CACNA1E: variants seen among roughly 807,000 people sequenced by gnomAD.
The protein encoded by CACNA1E is voltage-dependent R-type calcium channel subunit alpha-1E.
A neutral mutation model predicts 259.2 loss-of-function variants in CACNA1E; 40 were observed. The ratio of observed to expected loss-of-function variants is 0.15; its 90% CI spans 0.12 to 0.20. The LOEUF (loss-of-function observed/expected upper bound fraction) is 0.20, where lower values mean the gene tolerates loss of function less well. Ranked by LOEUF, CACNA1E falls within the 10% of genes least tolerant of loss-of-function variation. The pLI is 1.00. For missense variants in CACNA1E, 1,874 were observed against 3,040.1 expected (o/e 0.62, Z 9.02); for synonymous variants, 1,104 against 1,138.5 (o/e 0.97, Z 0.61).
chr1:181,606,805 T>C (rs911626330), intron 6 of CACNA1E, among the ~76,000 whole-genome samples: 6 of 152,234 alleles, frequency 3.9e-5, no homozygotes, highest in African/African-American at 1.4e-4. Context: ...CCTTTGGACA[T>C]GCTGTCCTGC....
intron 2 of CACNA1E, among the ~76,000 whole-genome samples, chr1:181,455,992 A>G (rs1179533933): frequency 3.3e-5 from 5 of 152,198 alleles, no homozygotes; most frequent in Admixed American, 6.5e-5. Context: ...GATGGTTACC[A>G]TTGACTAAAA....
At chr1:181,625,186 A>G (rs927793836) in intron 6 of CACNA1E, among the ~76,000 whole-genome samples, 2 of 151,884 alleles carry the variant, frequency 1.3e-5, no homozygotes, top group African/African-American at 4.8e-5. Flanking sequence ...TAGATTTAGC[A>G]TAACTCCTAA....
rs959394959 is a variant in CACNA1E at position 181,733,369 on chromosome 1, G to T, written c.2949-68G>T. ...GCCTGAGCTTCCCCGCCTTCCCCTT[G>T]TGCCAGGCACACCTGCCATTTGGGG... On this transcript the variant is annotated intron_variant, in intron 20 of 47. Transcript: ENST00000367573. The T allele has an allele frequency of 2.2e-6, 3 of 1,355,208 alleles. No individual in the cohort carries two copies. The Admixed American group carries it at 7.4e-5, about 33-fold the overall frequency. 83.9% of individuals were successfully genotyped at this position (1,355,208 alleles called of 1,614,324 possible). A position where few individuals can be genotyped will look rare whatever the true frequency, so the allele number is the denominator to read the frequency against.
chr1:181,325,933 C>T (rs1480480819), intron 1 of CACNA1E, among the ~76,000 whole-genome samples: 2 of 152,202 alleles, frequency 1.3e-5, no homozygotes, highest in African/African-American at 4.8e-5. Flanking sequence ...GCCTGCCACA[C>T]CAGGCAGGCT....
chr1:181,695,147 A>T (rs1651570836), intron 7 of CACNA1E, among the ~76,000 whole-genome samples: 2 of 152,328 alleles, frequency 1.3e-5, no homozygotes, highest in Admixed American at 1.3e-4. Flanking sequence ...TAACAAAAAA[A>T]TCAAATATCT....
At position 181,721,376 on chromosome 1, in the gene CACNA1E, G is replaced by A. The variant is rs1654396073; in HGVS notation, c.1957-382G>A. Among the ~76,000 whole-genome samples, 4 of 152,132 alleles carry A rather than the reference G, an allele frequency of 2.6e-5. No homozygotes were observed. In the South Asian group the frequency reaches 8.3e-4, roughly 31 times the overall value. ...CGTTTCCTGAACTGCAGCCCACAAGGCTCTTTCCAATCATGCTGCTGTTCC... is the reference window on the plus strand; with the variant it reads ...CGTTTCCTGAACTGCAGCCCACAAGACTCTTTCCAATCATGCTGCTGTTCC... On this transcript the variant is annotated intron_variant, in intron 15 of 47. Coordinates refer to ENST00000367573, the MANE Select transcript of CACNA1E (RefSeq NM_001205293.3).
chr1:181,393,335 G>A (rs891060736), intron 1 of CACNA1E, among the ~76,000 whole-genome samples: 5 of 152,166 alleles, frequency 3.3e-5, no homozygotes, highest in Admixed American at 2.0e-4. Flanking sequence ...AAGATGTAAA[G>A]GATTCAAGAA....
chr1:181,786,422 ACTG>A (rs1660852349), intron 43 of CACNA1E, among the ~76,000 whole-genome samples: 2 of 151,436 alleles, frequency 1.3e-5, no homozygotes, highest in Non-Finnish European at 3.0e-5. Flanking sequence ...AGAATGTGGA[ACTG>A]GAATTTAAGT....
intron 7 of CACNA1E, among the ~76,000 whole-genome samples, chr1:181,697,564 C>T (rs573350777): frequency 7.9e-5 from 12 of 152,270 alleles, no homozygotes; most frequent in African/African-American, 1.9e-4. Flanking sequence ...TCAAACTATC[C>T]GTGTCGAAGA....
intron 7 of CACNA1E, among the ~76,000 whole-genome samples, chr1:181,655,896 GT>G (rs57503442): frequency 0.024 from 3,590 of 152,274 alleles, 64 homozygotes; most frequent in Non-Finnish European, 0.035. Flanking sequence ...TGACATTTCA[GT>G]CAATGACTGA....
intron 2 of CACNA1E, among the ~76,000 whole-genome samples, chr1:181,470,805 C>T (rs1403098432): frequency 2.0e-5 from 3 of 152,112 alleles, no homozygotes; most frequent in Non-Finnish European, 4.4e-5. Flanking sequence ...TCCTGAGTGA[C>T]CCCCTGCTCT....
At chr1:181,590,336 G>T (rs1209229662) in intron 6 of CACNA1E, among the ~76,000 whole-genome samples, 1 of 149,202 alleles carries the variant, frequency 6.7e-6, no homozygotes, top group Non-Finnish European at 1.5e-5. Context: ...GAGCCCCATT[G>T]TCTGTCCACA....
At chr1:181,585,125 A>G (rs1366346182) in intron 6 of CACNA1E, among the ~76,000 whole-genome samples, 2 of 152,120 alleles carry the variant, frequency 1.3e-5, no homozygotes, top group African/African-American at 2.4e-5. Flanking sequence ...GTATCTGTTC[A>G]TCTGTTACTT....
chr1:181,669,037 TATA>T (rs1365776491), intron 7 of CACNA1E: 2 of 152,174 alleles, frequency 1.3e-5, no homozygotes, highest in African/African-American at 4.8e-5. Context: ...CAAAAAAAAT[TATA>T]ATAAGGTAGA....
upstream of CACNA1E, among the ~76,000 whole-genome samples, chr1:181,481,005 C>T (rs2102452102): frequency 6.6e-6 from 1 of 151,904 alleles, no homozygotes. Flanking sequence ...TTTTTCTAAC[C>T]CTATGTAGTT....
Position 181,533,953 on chromosome 1 carries a change from A to AT in CACNA1E, c.512+22452dup, listed in dbSNP as rs1040898945. 1.5e-4 allele frequency among the ~76,000 whole-genome samples: 23 copies of AT among 151,616 alleles called. No homozygotes were observed. The South Asian group carries it at 2.5e-3, about 17-fold the overall frequency. ...TTGTTAGTTAAAATCATGTTGGTAG[A>AT]TTTTTTTTTAGATTATATAGGTAGA... On this transcript the variant is annotated intron_variant, in intron 3 of 47. Transcript: ENST00000367573.
intron 1 of CACNA1E, among the ~76,000 whole-genome samples, chr1:181,337,367 G>A (rs984052836): frequency 3.3e-5 from 5 of 152,010 alleles, no homozygotes; most frequent in Non-Finnish European, 5.9e-5. Flanking sequence ...CACTGTGTTA[G>A]CCAGGATGGT....
At chr1:181,643,114 A>G in intron 6 of CACNA1E, among the ~76,000 whole-genome samples, 1 of 152,238 alleles carries the variant, frequency 6.6e-6, no homozygotes, top group East Asian at 1.9e-4. Context: ...AACTAATTTT[A>G]TTTTGGAGAA....
intron 39 of CACNA1E, among the ~76,000 whole-genome samples, chr1:181,782,431 T>C (rs1252260610): frequency 6.6e-6 from 1 of 152,236 alleles, no homozygotes; most frequent in Non-Finnish European, 1.5e-5. Context: ...CCCAGAACTC[T>C]GGAGCTCTTT....
Sources: allele counts gnomAD v4.1 joint callset (sites outside exome capture counted in the v4.1 genomes callset), GRCh38; gene constraint gnomAD v4.1.1; transcripts MANE v1.5; gene names NCBI Gene and HGNC (gene_info 2026-07-23, HGNC 2026-07-21).